CXADR: variants seen among roughly 807,000 people sequenced by gnomAD.
CXADR encodes the protein CXADR cell adhesion molecule, also known as coxsackievirus and adenovirus receptor.
CXADR carries 20 observed loss-of-function variants against 40.3 expected under a neutral mutation model. The observed-to-expected ratio is 0.50, with a 90% confidence interval of 0.35 to 0.72. The LOEUF (loss-of-function observed/expected upper bound fraction) is 0.72, where lower values mean the gene tolerates loss of function less well. CXADR is among the 30% of genes least tolerant of loss of function. The pLI, the probability that CXADR is intolerant of heterozygous loss-of-function variation, is 0.01. For missense variants in CXADR, 332 were observed against 449.1 expected (o/e 0.74, Z 2.36); for synonymous variants, 150 against 161.3 (o/e 0.93, Z 0.53).
the CXADR span, among the ~76,000 whole-genome samples, chr21:17,616,853 A>G: frequency 6.6e-6 from 1 of 152,204 alleles, no homozygotes; most frequent in East Asian, 1.9e-4. Flanking sequence ...AAAAGACTAA[A>G]TCTACTTCTC....
chr21:17,514,299 G>C (rs1157194023), intron 1 of CXADR, among the ~76,000 whole-genome samples: 2 of 151,882 alleles, frequency 1.3e-5, no homozygotes, highest in Non-Finnish European at 2.9e-5. Flanking sequence ...TTCCATTGTT[G>C]GATGCCACAG....
chr21:17,550,351 C>CAA (rs34284825), intron 2 of CXADR, among the ~76,000 whole-genome samples: 77,856 of 130,396 alleles, frequency 0.6, 23,490 homozygotes, highest in Non-Finnish European at 0.65. Context: ...AAGACTGTCT[C>CAA]AAAAAAAAAA....
the CXADR span, chr21:17,598,635 G>A: frequency 2.1e-5 from 34 of 1,613,868 alleles, no homozygotes; most frequent in Admixed American, 6.7e-5. Context: ...CAGGACTTGC[G>A]GCTGCAGTCA....
At chr21:17,607,275 T>C in the CXADR span, among the ~76,000 whole-genome samples, 1 of 152,202 alleles carries the variant, frequency 6.6e-6, no homozygotes, top group Non-Finnish European at 1.5e-5. Context: ...AGTAATAGTA[T>C]GGTGGCTTGG....
At chr21:17,558,292 C>A (rs2061062153) in intron 3 of CXADR, among the ~76,000 whole-genome samples, 1 of 151,960 alleles carries the variant, frequency 6.6e-6, no homozygotes, top group South Asian at 2.1e-4. Flanking sequence ...CCACACCCAG[C>A]TAATTTTTCG....
Position 17,566,361 on chromosome 21 carries a change from T to C in CXADR, c.*669T>C, listed in dbSNP as rs555940484. ...CAGGTAATAGGGACTTAGCAAGCTC[T>C]TTTATATGCTAAAGGAGCATCTATC... On this transcript the variant is annotated 3_prime_UTR_variant, in exon 7 of 7. Transcript: ENST00000284878. 4.3e-5 allele frequency: 42 copies of C among 984,688 alleles called. 2 individuals carry two copies. The South Asian group carries it at 1.5e-3, about 35-fold the overall frequency. 61.0% of individuals were successfully genotyped at this position (984,688 alleles called of 1,614,324 possible).
At chr21:17,628,763 A>G in the CXADR span, among the ~76,000 whole-genome samples, 1 of 152,094 alleles carries the variant, frequency 6.6e-6, no homozygotes, top group Non-Finnish European at 1.5e-5. Context: ...TCGGCCTCCC[A>G]AAGTGTTGGG....
At chr21:17,559,242 C>A in intron 4 of CXADR, 111 bp downstream of exon 4, 2 of 1,114,132 alleles carry the variant, frequency 1.8e-6, no homozygotes, top group Non-Finnish European at 2.6e-6. Flanking sequence ...AGGCTCACTG[C>A]AATCACGGCT....
chr21:17,551,547 A>G (rs80235911), intron 2 of CXADR, among the ~76,000 whole-genome samples: 2,068 of 152,318 alleles, frequency 0.014, 46 homozygotes, highest in African/African-American at 0.045. Context: ...CTGGGACTAT[A>G]CCCAAGGATC....
downstream of CXADR, among the ~76,000 whole-genome samples, chr21:17,594,767 TC>T (rs2061482706): frequency 6.6e-6 from 1 of 151,576 alleles, no homozygotes; most frequent in Admixed American, 6.6e-5. Context: ...TACCGCATGT[TC>T]TCACTTATAA....
intron 6 of CXADR, 85 bp downstream of exon 6, chr21:17,561,561 A>C: frequency 1.7e-6 from 2 of 1,191,236 alleles, no homozygotes; most frequent in Non-Finnish European, 1.2e-6. Context: ...TAACCACCCA[A>C]AGCATCTTTC....
the CXADR span, among the ~76,000 whole-genome samples, chr21:17,624,416 G>A: frequency 7.2e-5 from 11 of 152,194 alleles, no homozygotes; most frequent in East Asian, 3.9e-4. Flanking sequence ...TCCCTGTTTC[G>A]TCACTGGTGT....
chr21:17,632,552 T>G, the CXADR span, among the ~76,000 whole-genome samples: 2 of 152,214 alleles, frequency 1.3e-5, no homozygotes, highest in Non-Finnish European at 2.9e-5. Flanking sequence ...TGGCAAGTCA[T>G]GTGGTCATTA....
At chr21:17,594,428 ACT>A (rs2061477322), downstream of CXADR, 7 of 1,396,178 alleles carry the variant, frequency 5.0e-6, no homozygotes, top group South Asian at 9.8e-5. Flanking sequence ...TACCCACAAC[ACT>A]GAGATCACAT....
intron 7 of CXADR, among the ~76,000 whole-genome samples, chr21:17,587,841 G>T (rs1452550178): frequency 6.6e-6 from 1 of 152,132 alleles, no homozygotes; most frequent in Non-Finnish European, 1.5e-5. Flanking sequence ...TATTGCCTAG[G>T]TTTTCTTCTA....
At chr21:17,609,187 A>G in the CXADR span, 1 of 1,584,030 alleles carries the variant, frequency 6.3e-7, no homozygotes, top group Non-Finnish European at 8.6e-7. Flanking sequence ...CAGAAAAACA[A>G]AATATAAAAA....
chr21:17,522,379 C>T (rs971479930), intron 1 of CXADR, among the ~76,000 whole-genome samples: 3 of 152,080 alleles, frequency 2.0e-5, no homozygotes, highest in Non-Finnish European at 4.4e-5. Flanking sequence ...AACTCCCGAC[C>T]TCAGGTGATC....
chr21:17,533,110 A>G (rs1396867923), intron 1 of CXADR, among the ~76,000 whole-genome samples: 1 of 152,224 alleles, frequency 6.6e-6, no homozygotes, highest in Non-Finnish European at 1.5e-5. Context: ...GAACATACTT[A>G]GTTAGGTCTG....
chr21:17,570,201 C>T, downstream of CXADR: 1 of 983,802 alleles, frequency 1.0e-6, no homozygotes. Context: ...GTTTCCTTCC[C>T]CCCGTGTATC....
Sources: allele counts gnomAD v4.1 joint callset (sites outside exome capture counted in the v4.1 genomes callset), GRCh38; gene constraint gnomAD v4.1.1; transcripts MANE v1.5; gene names NCBI Gene and HGNC (gene_info 2026-07-23, HGNC 2026-07-21).